SFI1: variants seen among roughly 807,000 people sequenced by gnomAD.
The protein encoded by SFI1 is protein SFI1 homolog.
A neutral mutation model predicts 207.5 loss-of-function variants in SFI1; 195 were observed. That is an observed-to-expected ratio of 0.94 (90% CI 0.84 to 1.06). The LOEUF (loss-of-function observed/expected upper bound fraction) is 1.06, where lower values mean the gene tolerates loss of function less well. Among genes scored for constraint, SFI1 ranks in the 50% least tolerant of loss-of-function variants. The pLI, the probability that SFI1 is intolerant of heterozygous loss-of-function variation, is 0.00. For missense variants in SFI1, 1,634 were observed against 1,588.0 expected (o/e 1.03, Z -0.49); for synonymous variants, 630 against 598.9 (o/e 1.05, Z -0.76).
At position 31,618,569 on chromosome 22, in the gene SFI1, C is replaced by G. The variant is rs901152194; in HGVS notation, c.*151C>G. 1 of 762,338 alleles carries G rather than the reference C, an allele frequency of 1.3e-6. No individual in the cohort carries two copies. The highest frequency in any genetic ancestry group is 1.8e-5 in the African/African-American group (1 of 56,092). The allele number at this position is 762,338 out of a possible 1,614,324, so 47.2% of individuals were successfully genotyped here. A position where few individuals can be genotyped will look rare whatever the true frequency, so the allele number is the denominator to read the frequency against. On this transcript the variant is annotated 3_prime_UTR_variant, in exon 33 of 33. Coordinates refer to ENST00000400288, the MANE Select transcript of SFI1 (RefSeq NM_001007467.3). ...GTTCAGAAGTCTCCCACTTTTCATA[C>G]AAAAATACTGTGCTACTGATACAGT...
At chr22:31,539,657 A>T (rs1014040399) in intron 4 of SFI1, among the ~76,000 whole-genome samples, 7 of 151,732 alleles carry the variant, frequency 4.6e-5, no homozygotes, top group Non-Finnish European at 7.4e-5. Flanking sequence ...CTTTCCTCAA[A>T]TGTCAAGAGA....
At chr22:31,511,692 T>G (rs2055579019) in intron 2 of SFI1, among the ~76,000 whole-genome samples, 1 of 152,010 alleles carries the variant, frequency 6.6e-6, no homozygotes, top group Non-Finnish European at 1.5e-5. Context: ...CTTGCTCTGT[T>G]GCCCAGGCTG....
chr22:31,562,455 A>G (rs1385430855), intron 8 of SFI1, among the ~76,000 whole-genome samples: 2 of 151,234 alleles, frequency 1.3e-5, no homozygotes, highest in Admixed American at 6.6e-5. Context: ...AAAAAAAAAA[A>G]GAAGTAGATT....
At chr22:31,593,121 C>G (rs1305827617) in intron 15 of SFI1, among the ~76,000 whole-genome samples, 1 of 143,760 alleles carries the variant, frequency 7.0e-6, no homozygotes, top group African/African-American at 2.6e-5. Context: ...GGCGGCTGGC[C>G]GGGCGGGGGG....
At chr22:31,566,248 C>T (rs1351785199) in intron 8 of SFI1, among the ~76,000 whole-genome samples, 1 of 152,048 alleles carries the variant, frequency 6.6e-6, no homozygotes, top group African/African-American at 2.4e-5. Context: ...TGTGCTCCAC[C>T]ACATCCAGCT....
chr22:31,618,389 A>C lies in SFI1; in HGVS notation c.3700A>C (p.Ile1234Leu). Reference sequence around the variant, plus strand: ...GCCCATTGGCGCCTGCGTTGCCCGCATCCAGGCCCTGCGGCAGGCCCTGTG... The same window carrying C: ...GCCCATTGGCGCCTGCGTTGCCCGCCTCCAGGCCCTGCGGCAGGCCCTGTG... ...RQPIGACVARIQALRQALC is the reference protein window; with the variant it reads ...RQPIGACVARLQALRQALC Residue 1234 changes from isoleucine to leucine, a missense_variant, in exon 33 of 33, where the codon ATC (isoleucine) becomes CTC (leucine). Ile to Leu is a conservative substitution (Grantham distance 5). Transcript: ENST00000400288. 1 of 1,601,384 alleles carries C rather than the reference A, an allele frequency of 6.2e-7. No individual in the cohort carries two copies. The highest frequency in any genetic ancestry group is 8.5e-7 in the Non-Finnish European group (1 of 1,172,200).
intron 29 of SFI1, chr22:31,616,535 G>C: frequency 4.3e-6 from 2 of 469,644 alleles, no homozygotes; most frequent in East Asian, 6.8e-5. Flanking sequence ...GGTTGCTTGC[G>C]GGACTTTCCC....
intron 12 of SFI1, among the ~76,000 whole-genome samples, chr22:31,580,840 GC>G (rs1328765442): frequency 6.6e-6 from 1 of 151,928 alleles, no homozygotes; most frequent in Non-Finnish European, 1.5e-5. Context: ...ACCATGCTCG[GC>G]CTTTTTAGTT....
intron 23 of SFI1, 64 bp from the exon 24 acceptor site, chr22:31,611,702 G>A: frequency 6.6e-7 from 1 of 1,526,382 alleles, no homozygotes; most frequent in Non-Finnish European, 8.9e-7. Context: ...GTTAGATCAG[G>A]ACCCACCCCA....
chr22:31,612,795 T>C, intron 24 of SFI1: 2 of 251,914 alleles, frequency 7.9e-6, no homozygotes, highest in Middle Eastern at 2.8e-3. Flanking sequence ...TCTTGCTTTT[T>C]AAAAAGCCAA....
At chr22:31,540,190 TG>T (rs955113192) in intron 4 of SFI1, among the ~76,000 whole-genome samples, 294 of 3,448 alleles carry the variant, frequency 0.085, 2 homozygotes, top group South Asian at 0.25. Flanking sequence ...TGGCACGGGG[TG>T]GGGGGGTGGG....
chr22:31,559,430 T>TA (rs1189507097), intron 7 of SFI1: 11 of 377,742 alleles, frequency 2.9e-5, no homozygotes, highest in South Asian at 7.0e-5. Context: ...CTCGAAAAAA[T>TA]AAAAAAAATG....
intron 22 of SFI1, among the ~76,000 whole-genome samples, chr22:31,609,418 A>G (rs2069669403): frequency 6.6e-6 from 1 of 152,214 alleles, no homozygotes; most frequent in African/African-American, 2.4e-5. Context: ...TAACACAGCT[A>G]GGGGTCCCAT....
chr22:31,590,971 A>ATTTT (rs1556252074), intron 15 of SFI1, among the ~76,000 whole-genome samples: 3 of 32,428 alleles, frequency 9.3e-5, no homozygotes, highest in South Asian at 8.3e-4. Context: ...TTATTTATTT[A>ATTTT]TTTATTTATT....
At chr22:31,545,328 G>GC (rs1219670799) in intron 4 of SFI1, among the ~76,000 whole-genome samples, 1 of 151,450 alleles carries the variant, frequency 6.6e-6, no homozygotes, top group East Asian at 1.9e-4. Context: ...TCACACCATT[G>GC]CTCTCCAACC....
At chr22:31,530,705 C>T in intron 3 of SFI1, 1 of 444,652 alleles carries the variant, frequency 2.2e-6, no homozygotes, top group East Asian at 7.0e-5. Flanking sequence ...CAGCTACTCA[C>T]TCTGTTTACA....
chr22:31,569,720 G>C (rs1030730560), intron 8 of SFI1, among the ~76,000 whole-genome samples: 1 of 152,136 alleles, frequency 6.6e-6, no homozygotes, highest in Non-Finnish European at 1.5e-5. Context: ...AGCCAAGGCG[G>C]GGGGACAGCT....
intron 7 of SFI1, among the ~76,000 whole-genome samples, chr22:31,558,476 T>C (rs544073604): frequency 6.6e-6 from 1 of 152,224 alleles, no homozygotes; most frequent in East Asian, 1.9e-4. Flanking sequence ...GAATTTTTTT[T>C]TTTTTTTTAT....
At chr22:31,594,218 G>A (rs926489134) in intron 15 of SFI1, among the ~76,000 whole-genome samples, 7 of 152,100 alleles carry the variant, frequency 4.6e-5, no homozygotes, top group Non-Finnish European at 1.0e-4. Context: ...TGCTAGACCT[G>A]GCTTTTTGAA....
Sources: gnomAD v4.1 joint callset for allele counts (sites outside exome capture counted in the v4.1 genomes callset) on GRCh38, gnomAD v4.1.1 for gene constraint, MANE v1.5 for transcripts, NCBI Gene and HGNC (gene_info 2026-07-23, HGNC 2026-07-21) for gene names.